The following TBC1D14 variants were observed in gnomAD, a reference collection of about 807,000 sequenced individuals.
The protein encoded by TBC1D14 is TBC1 domain family member 14, also known as TBC1 domain family, member 14.
Under a neutral mutation model 79.0 loss-of-function variants are expected in TBC1D14, and 26 were observed. The observed-to-expected ratio is 0.33, with a 90% confidence interval of 0.24 to 0.46. The LOEUF (loss-of-function observed/expected upper bound fraction) is 0.46. Among genes scored for constraint, TBC1D14 ranks in the 20% least tolerant of loss-of-function variants. The pLI is 1.00. For synonymous variants in TBC1D14, 394 were observed against 349.9 expected (o/e 1.13, Z -1.40); for missense variants, 769 against 887.6 (o/e 0.87, Z 1.70).
intron 2 of TBC1D14, among the ~76,000 whole-genome samples, chr4:6,931,754 A>G (rs1711762559): frequency 6.6e-6 from 1 of 151,656 alleles, no homozygotes; most frequent in African/African-American, 2.4e-5. Flanking sequence ...GTTCTTAAAT[A>G]TGTTTCTCAT....
At chr4:6,978,118 G>A (rs911604081) in intron 3 of TBC1D14, among the ~76,000 whole-genome samples, 4 of 150,144 alleles carry the variant, frequency 2.7e-5, no homozygotes, top group East Asian at 4.0e-4. Flanking sequence ...GAGGGAGGTG[G>A]GGGGGTCAGC....
chr4:6,919,685 A>G (rs1723681227), intron 1 of TBC1D14, among the ~76,000 whole-genome samples: 1 of 151,598 alleles, frequency 6.6e-6, no homozygotes, highest in African/African-American at 2.4e-5. Context: ...CAGTGGTGCT[A>G]TCTCGGCTCA....
At chr4:6,937,160 G>T (rs1402324129) in intron 2 of TBC1D14, among the ~76,000 whole-genome samples, 1 of 152,138 alleles carries the variant, frequency 6.6e-6, no homozygotes, top group South Asian at 2.1e-4. Flanking sequence ...CAGGTGATCT[G>T]CCCGCCACAA....
intron 6 of TBC1D14, among the ~76,000 whole-genome samples, chr4:7,000,941 T>G (rs1719613518): frequency 6.6e-6 from 1 of 152,164 alleles, no homozygotes; most frequent in African/African-American, 2.4e-5. Flanking sequence ...GCTGTGCTCC[T>G]CCATACCTGC....
chr4:7,023,498 C>T, intron 12 of TBC1D14, among the ~76,000 whole-genome samples: 1 of 152,200 alleles, frequency 6.6e-6, no homozygotes, highest in East Asian at 1.9e-4. Context: ...TTTGTTCTTT[C>T]TTGAACTGTA....
chr4:7,012,783 G>C (rs1052832467), intron 11 of TBC1D14, among the ~76,000 whole-genome samples: 3 of 152,160 alleles, frequency 2.0e-5, no homozygotes, highest in Non-Finnish European at 4.4e-5. Context: ...TATCTACAGT[G>C]AGTGTTTACA....
chr4:6,986,389 C>T (rs1380475472), intron 3 of TBC1D14, among the ~76,000 whole-genome samples: 1 of 152,260 alleles, frequency 6.6e-6, no homozygotes, highest in Non-Finnish European at 1.5e-5. Context: ...GAAGAAGCTG[C>T]ACCATTTTAC....
intron 7 of TBC1D14, among the ~76,000 whole-genome samples, chr4:7,003,140 C>T (rs965110544): frequency 6.6e-6 from 1 of 152,282 alleles, no homozygotes; most frequent in Admixed American, 6.5e-5. Context: ...GACATTGGAG[C>T]AGGGGGTTTG....
Position 6,987,036 on chromosome 4 carries a change from C to G in TBC1D14, c.844-7148C>G, listed in dbSNP as rs189916427. The stretch of plus-strand genomic sequence containing the variant: ...CTCTCCGCCTGTCGGCGCGCGTCCC[C>G]GGTGTTTACGGCCGGTGGGGCCGTA... On this transcript the variant is annotated intron_variant, in intron 3 of 13. Coordinates refer to ENST00000409757, the MANE Select transcript of TBC1D14 (RefSeq NM_020773.3). 2,763 of 469,638 alleles carry G rather than the reference C, an allele frequency of 5.9e-3. 96 individuals are homozygous for G. The highest frequency in any genetic ancestry group is 0.053 in the African/African-American group (2,552 of 48,340). The allele number at this position is 469,638 out of a possible 1,614,324, so 29.1% of individuals were successfully genotyped here. A position where few individuals can be genotyped will look rare whatever the true frequency, so the allele number is the denominator to read the frequency against.
intron 3 of TBC1D14, among the ~76,000 whole-genome samples, chr4:6,981,505 G>T (rs963926213): frequency 2.6e-5 from 4 of 152,282 alleles, no homozygotes; most frequent in Middle Eastern, 3.4e-3. Flanking sequence ...GAAGAAGACG[G>T]AGTACGTACT....
chr4:6,984,495 G>T (rs1307324060), intron 3 of TBC1D14, among the ~76,000 whole-genome samples: 1 of 152,144 alleles, frequency 6.6e-6, no homozygotes, highest in Non-Finnish European at 1.5e-5. Flanking sequence ...TGGTGAAATC[G>T]ATTTTTGATG....
chr4:6,997,246 G>A (rs1324394716), intron 5 of TBC1D14: 2 of 152,206 alleles, frequency 1.3e-5, no homozygotes, highest in Non-Finnish European at 2.9e-5. Flanking sequence ...GGCTCCATTC[G>A]TAGGAGAATG....
Position 7,010,769 on chromosome 4 carries a change from G to A in TBC1D14, c.1635G>A (p.Val545=), listed in dbSNP as rs762192644. 6.2e-7 allele frequency: 1 copy of A among 1,613,762 alleles called. No individual in the cohort carries two copies. The highest frequency in any genetic ancestry group is 1.1e-5 in the South Asian group (1 of 91,004). The part of the protein sequence containing the change: ...NKPCQMAFFR[V]DHGLMLTYFA... The stretch of plus-strand genomic sequence containing the variant: ...CCTGTCAAATGGCGTTTTTTAGAGT[G>A]GACCATGGCCTTGTGAGTATCCTCT... The change falls in exon 11 of 14, where the codon GTG becomes GTA. Residue 545 remains valine (V), a synonymous_variant. Transcript: ENST00000409757.
At chr4:6,928,665 T>C (rs1267771128) in intron 2 of TBC1D14, among the ~76,000 whole-genome samples, 1 of 152,206 alleles carries the variant, frequency 6.6e-6, no homozygotes, top group Non-Finnish European at 1.5e-5. Flanking sequence ...AAACCTCATT[T>C]CTACTAAAAA....
chr4:6,960,980 G>A (rs941250251), intron 2 of TBC1D14, among the ~76,000 whole-genome samples: 21 of 152,316 alleles, frequency 1.4e-4, no homozygotes, highest in African/African-American at 4.8e-4. Context: ...TGTGTGAGCC[G>A]TGGACCTCGC....
intron 2 of TBC1D14, among the ~76,000 whole-genome samples, chr4:6,966,266 A>C (rs1357844618): frequency 6.6e-6 from 1 of 152,216 alleles, no homozygotes; most frequent in African/African-American, 2.4e-5. Flanking sequence ...CTGCAGGCTC[A>C]TCTTGTACTT....
rs977150782 is a variant in TBC1D14 at position 6,917,837 on chromosome 4, C to T, written c.-17-5536C>T. On this transcript the variant is annotated intron_variant, in intron 1 of 13. Transcript: ENST00000409757. ...ACTTCCCCTATAAAGGGTATTATCA[C>T]GCGGTAGGTGGCCTGGAGTGCGGCT... is the stretch of plus-strand genomic sequence containing the variant. Among the ~76,000 whole-genome samples the T allele has an allele frequency of 7.9e-5, 12 of 152,210 alleles. No homozygotes were observed. The East Asian group carries it at 1.7e-3, about 22-fold the overall frequency.
intron 7 of TBC1D14, among the ~76,000 whole-genome samples, chr4:7,003,918 TGA>T (rs140757708): frequency 0.052 from 7,972 of 152,046 alleles, 449 homozygotes; most frequent in African/African-American, 0.14. Flanking sequence ...GCAAGAAAAT[TGA>T]GATTGAATCT....
intron 2 of TBC1D14, among the ~76,000 whole-genome samples, chr4:6,936,607 G>A (rs1231864410): frequency 6.6e-6 from 1 of 152,286 alleles, no homozygotes; most frequent in Admixed American, 6.5e-5. Flanking sequence ...GAAGATTTTT[G>A]TGTGGACATA....
Sources: gnomAD v4.1 joint callset for allele counts (sites outside exome capture counted in the v4.1 genomes callset) on GRCh38, gnomAD v4.1.1 for gene constraint, MANE v1.5 for transcripts, NCBI Gene and HGNC (gene_info 2026-07-23, HGNC 2026-07-21) for gene names.